The following NXPH2 variants were observed in gnomAD, a reference collection of about 807,000 sequenced individuals.
The protein encoded by NXPH2 is neurexophilin-2.
NXPH2 carries 5 observed loss-of-function variants against 19.8 expected under a neutral mutation model. The observed-to-expected ratio is 0.25, with a 90% CI of 0.13 to 0.53. The LOEUF (loss-of-function observed/expected upper bound fraction) is 0.53, where lower values mean the gene tolerates loss of function less well. Among genes scored for constraint, NXPH2 ranks in the 20% least tolerant of loss-of-function variants. NXPH2 has a pLI of 0.96. For missense variants in NXPH2, 289 were observed against 322.8 expected (o/e 0.90, Z 0.80); for synonymous variants, 154 against 127.4 (o/e 1.21, Z -1.41).
At position 138,670,723 on chromosome 2, in the gene NXPH2, A is replaced by G. The variant is rs938171018; in HGVS notation, c.*199T>C. 5 of 489,944 alleles carry G rather than the reference A, an allele frequency of 1.0e-5. No homozygotes were observed. Among genetic ancestry groups the G allele is most frequent in the African/African-American group, 9.8e-5 (5 of 50,954 alleles). The allele number at this position is 489,944 out of a possible 1,614,324, so 30.3% of individuals were successfully genotyped here. Reference sequence around the variant, plus strand: ...TCATAAACAGTTTAACTTTTTAGATAAAGGTACCTACGATAGAAAGAAACA... The same window carrying G: ...TCATAAACAGTTTAACTTTTTAGATGAAGGTACCTACGATAGAAAGAAACA... On this transcript the variant is annotated 3_prime_UTR_variant, in exon 2 of 2. Transcript: ENST00000272641.
intron 1 of NXPH2, among the ~76,000 whole-genome samples, chr2:138,727,447 T>C (rs1681376717): frequency 6.6e-6 from 1 of 152,122 alleles, no homozygotes; most frequent in Non-Finnish European, 1.5e-5. Flanking sequence ...GGTATCTCAC[T>C]GTTTTTTGTT....
intron 1 of NXPH2, among the ~76,000 whole-genome samples, chr2:138,742,199 C>G (rs1032305891): frequency 6.6e-6 from 1 of 152,128 alleles, no homozygotes; most frequent in African/African-American, 2.4e-5. Context: ...CCGGCAGCCT[C>G]ATCGTGTGAG....
At chr2:138,747,140 C>A (rs147144974) in intron 1 of NXPH2, among the ~76,000 whole-genome samples, 20 of 152,220 alleles carry the variant, frequency 1.3e-4, no homozygotes, top group Middle Eastern at 3.4e-3. Flanking sequence ...TTATTTGCTA[C>A]CATACGTAGT....
chr2:138,744,381 G>A (rs892158627), intron 1 of NXPH2, among the ~76,000 whole-genome samples: 2 of 152,000 alleles, frequency 1.3e-5, no homozygotes, highest in African/African-American at 4.8e-5. Flanking sequence ...CAGAGGGAGG[G>A]AATGAGAGAG....
intron 1 of NXPH2, among the ~76,000 whole-genome samples, chr2:138,695,801 C>A (rs11884413): frequency 0.029 from 4,383 of 152,070 alleles, 205 homozygotes; most frequent in African/African-American, 0.1. Flanking sequence ...AATTCATAGA[C>A]AAGATATACA....
intron 1 of NXPH2, among the ~76,000 whole-genome samples, chr2:138,699,931 T>A (rs1287620215): frequency 6.6e-6 from 1 of 152,246 alleles, no homozygotes; most frequent in Non-Finnish European, 1.5e-5. Context: ...CCTTCCTCAA[T>A]GCACGTTCAA....
intron 1 of NXPH2, among the ~76,000 whole-genome samples, chr2:138,723,822 T>C (rs1025237567): frequency 6.6e-6 from 1 of 152,170 alleles, no homozygotes; most frequent in Admixed American, 6.5e-5. Flanking sequence ...TCCAGGCTTT[T>C]TGGCCTCCCC....
chr2:138,674,432 G>A (rs943164120), intron 1 of NXPH2, among the ~76,000 whole-genome samples: 3 of 152,110 alleles, frequency 2.0e-5, no homozygotes, highest in Non-Finnish European at 4.4e-5. Flanking sequence ...AGGATTACAG[G>A]TGTGAGCCAC....
chr2:138,758,357 C>T (rs537995104), intron 1 of NXPH2, among the ~76,000 whole-genome samples: 3 of 152,294 alleles, frequency 2.0e-5, no homozygotes, highest in African/African-American at 7.2e-5. Context: ...TGAGAAAATT[C>T]TGCAGAATCA....
chr2:138,714,644 GA>G (rs1361642305), intron 1 of NXPH2, among the ~76,000 whole-genome samples: 3 of 152,032 alleles, frequency 2.0e-5, no homozygotes, highest in African/African-American at 7.2e-5. Flanking sequence ...AAAAATCCAA[GA>G]AAAAAGGTAC....
intron 1 of NXPH2, among the ~76,000 whole-genome samples, chr2:138,708,072 C>T (rs539480070): frequency 6.6e-5 from 10 of 152,188 alleles, no homozygotes; most frequent in Non-Finnish European, 1.3e-4. Flanking sequence ...TCTTATAGAG[C>T]CTCATGTGTG....
chr2:138,676,004 CT>C (rs570241008), intron 1 of NXPH2, among the ~76,000 whole-genome samples: 2 of 151,022 alleles, frequency 1.3e-5, no homozygotes, highest in Non-Finnish European at 3.0e-5. Flanking sequence ...TATAAAAGCA[CT>C]TTTTTTTAAA....
At chr2:138,739,561 G>A (rs1681611418) in intron 1 of NXPH2, among the ~76,000 whole-genome samples, 1 of 152,172 alleles carries the variant, frequency 6.6e-6, no homozygotes, top group Non-Finnish European at 1.5e-5. Flanking sequence ...CTGCCACATG[G>A]GCACCACAGG....
chr2:138,706,593 T>C (rs1681015621), intron 1 of NXPH2, among the ~76,000 whole-genome samples: 1 of 152,174 alleles, frequency 6.6e-6, no homozygotes, highest in African/African-American at 2.4e-5. Context: ...CTGATGAATA[T>C]GAATGAGAAA....
chr2:138,724,505 C>T lies in NXPH2; in HGVS notation c.52-52840G>A, dbSNP rs115368927. Among the ~76,000 whole-genome samples, 561 of 152,294 alleles carry T rather than the reference C, an allele frequency of 3.7e-3. 3 individuals are homozygous for T. The highest frequency in any genetic ancestry group is 0.012 in the African/African-American group (512 of 41,564). On this transcript the variant is annotated intron_variant, in intron 1 of 1. Transcript: ENST00000272641. Reference sequence around the variant, plus strand: ...ACAAACAATGCAAATAGCCTAATCCCTTTGTGGGGCAGAGCTCAACAGGTC... The same window carrying T: ...ACAAACAATGCAAATAGCCTAATCCTTTTGTGGGGCAGAGCTCAACAGGTC...
chr2:138,755,641 T>G (rs925066878), intron 1 of NXPH2, among the ~76,000 whole-genome samples: 1 of 152,118 alleles, frequency 6.6e-6, no homozygotes, highest in African/African-American at 2.4e-5. Context: ...CTCAGTATTA[T>G]GTTGGATATT....
intron 1 of NXPH2, among the ~76,000 whole-genome samples, chr2:138,702,168 G>A (rs1680934138): frequency 6.6e-6 from 1 of 151,868 alleles, no homozygotes; most frequent in Admixed American, 6.6e-5. Flanking sequence ...CCAGGCTGGA[G>A]TACAGTGGCA....
At chr2:138,720,314 G>A (rs1412923640) in intron 1 of NXPH2, among the ~76,000 whole-genome samples, 1 of 152,194 alleles carries the variant, frequency 6.6e-6, no homozygotes, top group Non-Finnish European at 1.5e-5. Flanking sequence ...AAGTATGCTT[G>A]TAAACTTTCT....
intron 1 of NXPH2, among the ~76,000 whole-genome samples, chr2:138,752,101 C>T (rs1438332309): frequency 6.6e-6 from 1 of 152,142 alleles, no homozygotes. Context: ...TTAAAGGCCT[C>T]CTGTATCTAA....
Sources: gnomAD v4.1 joint callset for allele counts (sites outside exome capture counted in the v4.1 genomes callset) on GRCh38, gnomAD v4.1.1 for gene constraint, MANE v1.5 for transcripts, NCBI Gene and HGNC (gene_info 2026-07-23, HGNC 2026-07-21) for gene names.